CCBE1: variants seen among roughly 807,000 people sequenced by gnomAD.
The protein encoded by CCBE1 is collagen and calcium-binding EGF domain-containing protein 1.
CCBE1 carries 37 observed loss-of-function variants against 50.0 expected under a neutral mutation model. The ratio of observed to expected loss-of-function variants is 0.74; its 90% confidence interval spans 0.57 to 0.97. The LOEUF (loss-of-function observed/expected upper bound fraction) is 0.97, where lower values mean the gene tolerates loss of function less well. Among genes scored for constraint, CCBE1 ranks in the 50% least tolerant of loss-of-function variants. CCBE1 has a pLI of 0.00. For synonymous variants in CCBE1, 234 were observed against 203.7 expected, an observed-to-expected ratio of 1.15 and a Z score of -1.27; for missense variants, 538 against 523.8, an observed-to-expected ratio of 1.03 and a Z score of -0.26.
chr18:59,590,273 T>C (rs2053243626), intron 2 of CCBE1, among the ~76,000 whole-genome samples: 1 of 152,100 alleles, frequency 6.6e-6, no homozygotes. Context: ...GCAAAAAATT[T>C]AGTAAAGAAG....
chr18:59,458,232 T>C (rs1418004705), intron 5 of CCBE1, among the ~76,000 whole-genome samples: 1 of 151,974 alleles, frequency 6.6e-6, no homozygotes, highest in Non-Finnish European at 1.5e-5. Flanking sequence ...AATAAGTCTG[T>C]CCATCCATCC....
intron 2 of CCBE1, among the ~76,000 whole-genome samples, chr18:59,485,689 C>T (rs915229186): frequency 2.0e-5 from 3 of 151,830 alleles, no homozygotes; most frequent in African/African-American, 7.3e-5. Flanking sequence ...CGGCTCCCTG[C>T]AACCTTTGCC....
chr18:59,612,237 T>A (rs962120574), intron 2 of CCBE1, among the ~76,000 whole-genome samples: 4 of 140,984 alleles, frequency 2.8e-5, no homozygotes, highest in Non-Finnish European at 4.5e-5. Context: ...GGCACATGTA[T>A]ACATATGTAA....
chr18:59,492,067 C>T (rs1913129365), intron 2 of CCBE1, among the ~76,000 whole-genome samples: 1 of 144,678 alleles, frequency 6.9e-6, no homozygotes, highest in African/African-American at 2.6e-5. Context: ...ATCATTTGAA[C>T]CTGGAAGGGG....
intron 2 of CCBE1, among the ~76,000 whole-genome samples, chr18:59,665,486 T>G (rs187542859): frequency 6.6e-6 from 1 of 152,286 alleles, no homozygotes; most frequent in African/African-American, 2.4e-5. Context: ...AACGGGAAAA[T>G]TCTTCAGAAA....
At chr18:59,510,690 G>A (rs1477220714) in intron 2 of CCBE1, among the ~76,000 whole-genome samples, 1 of 152,130 alleles carries the variant, frequency 6.6e-6, no homozygotes, top group Non-Finnish European at 1.5e-5. Context: ...CCAAAGTGCT[G>A]GGATTACAGG....
intron 2 of CCBE1, among the ~76,000 whole-genome samples, chr18:59,527,627 T>C (rs1358426134): frequency 6.6e-6 from 1 of 152,184 alleles, no homozygotes; most frequent in African/African-American, 2.4e-5. Flanking sequence ...GTAATGTTTT[T>C]TCCTTTCCAT....
At chr18:59,546,600 T>C (rs559065271) in intron 2 of CCBE1, among the ~76,000 whole-genome samples, 2 of 152,320 alleles carry the variant, frequency 1.3e-5, no homozygotes, top group East Asian at 1.9e-4. Flanking sequence ...CAGCAATAGA[T>C]AAAAGAAACA....
intron 2 of CCBE1, among the ~76,000 whole-genome samples, chr18:59,587,086 G>A (rs1171242325): frequency 6.6e-6 from 1 of 152,188 alleles, no homozygotes; most frequent in Non-Finnish European, 1.5e-5. Context: ...AAGAATTGAA[G>A]ATGACTTCAC....
chr18:59,678,017 C>A (rs2054530656), intron 2 of CCBE1, among the ~76,000 whole-genome samples: 1 of 152,144 alleles, frequency 6.6e-6, no homozygotes, highest in African/African-American at 2.4e-5. Context: ...ACTGACCTAT[C>A]CCAAACGGCA....
chr18:59,536,990 C>CAAAAAAA (rs34336757), intron 2 of CCBE1, among the ~76,000 whole-genome samples: 3 of 91,846 alleles, frequency 3.3e-5, no homozygotes, highest in Non-Finnish European at 7.0e-5. Context: ...GACTCTGTCT[C>CAAAAAAA]AAAAAAAAAA....
At chr18:59,656,824 T>C (rs773596967) in intron 2 of CCBE1, among the ~76,000 whole-genome samples, 72 of 152,174 alleles carry the variant, frequency 4.7e-4, no homozygotes, top group Non-Finnish European at 8.5e-4. Context: ...GGTTACAGAG[T>C]GTAGACAGGG....
chr18:59,477,509 T>C lies in CCBE1; in HGVS notation c.265+2677A>G, dbSNP rs60424153. Among the ~76,000 whole-genome samples the C allele has an allele frequency of 8.1e-3, 1,224 of 151,770 alleles. 13 individuals carry two copies. Among genetic ancestry groups the C allele is most frequent in the African/African-American group, 0.028 (1,162 of 41,338 alleles). Reference sequence around the variant, plus strand: ...CCCTGTAAATTGTCATGAGTATTTCTTATCTTTCCATGGATTATTTCCATG... The same window carrying C: ...CCCTGTAAATTGTCATGAGTATTTCCTATCTTTCCATGGATTATTTCCATG... On this transcript the variant is annotated intron_variant, in intron 3 of 10. Transcript: ENST00000439986.
chr18:59,475,880 G>A (rs1323009936), intron 3 of CCBE1, among the ~76,000 whole-genome samples: 1 of 152,098 alleles, frequency 6.6e-6, no homozygotes, highest in Non-Finnish European at 1.5e-5. Context: ...CACCAGGCCT[G>A]GCTAATTTTT....
intron 5 of CCBE1, among the ~76,000 whole-genome samples, chr18:59,455,707 A>C (rs1295755496): frequency 6.6e-6 from 1 of 152,210 alleles, no homozygotes; most frequent in Non-Finnish European, 1.5e-5. Flanking sequence ...TGCTGGGGAG[A>C]CCAGCCACCT....
chr18:59,443,165 A>G (rs2143632920), intron 7 of CCBE1, among the ~76,000 whole-genome samples: 1 of 152,324 alleles, frequency 6.6e-6, no homozygotes, highest in South Asian at 2.1e-4. Flanking sequence ...ACCTTTAGGC[A>G]TCATCTATCT....
chr18:59,515,526 G>A (rs1321133899), intron 2 of CCBE1, among the ~76,000 whole-genome samples: 5 of 152,148 alleles, frequency 3.3e-5, no homozygotes, highest in Non-Finnish European at 4.4e-5. Flanking sequence ...TGAAACGCAC[G>A]ATATTTTGAG....
chr18:59,640,905 CAG>C, intron 2 of CCBE1, among the ~76,000 whole-genome samples: 1 of 152,216 alleles, frequency 6.6e-6, no homozygotes, highest in South Asian at 2.1e-4. Context: ...CATCCCTCAT[CAG>C]AGAGTTGCAA....
At chr18:59,650,967 T>C (rs1189158442) in intron 2 of CCBE1, among the ~76,000 whole-genome samples, 1 of 152,024 alleles carries the variant, frequency 6.6e-6, no homozygotes, top group East Asian at 2.0e-4. Context: ...GACTGTGGCA[T>C]AGCCTGAGAA....
Sources: allele counts gnomAD v4.1 joint callset (sites outside exome capture counted in the v4.1 genomes callset), GRCh38; gene constraint gnomAD v4.1.1; transcripts MANE v1.5; gene names NCBI Gene and HGNC (gene_info 2026-07-23, HGNC 2026-07-21).